Variants in ANO2 observed in about 807,000 individuals in gnomAD.
ANO2 encodes the protein anoctamin-2.
Under a neutral mutation model 124.2 loss-of-function variants are expected in ANO2, and 101 were observed. That is an observed-to-expected ratio of 0.81 (90% confidence interval 0.69 to 0.96). The LOEUF is 0.96. ANO2 is among the 40% of genes least tolerant of loss of function. ANO2 has a pLI of 0.00. For synonymous variants in ANO2, 486 were observed against 482.5 expected, an observed-to-expected ratio of 1.01 and a Z score of -0.09; for missense variants, 1,293 against 1,274.5, an observed-to-expected ratio of 1.01 and a Z score of -0.22.
At chr12:5,585,860 G>C (rs1000278736) in intron 20 of ANO2, among the ~76,000 whole-genome samples, 1 of 152,108 alleles carries the variant, frequency 6.6e-6, no homozygotes, top group African/African-American at 2.4e-5. Context: ...CTTCCCAAAA[G>C]GTTTGTGCAA....
rs572321028 is a variant in ANO2, at chr12:5,570,053, G to C, written c.2622-4390C>G. Among the ~76,000 whole-genome samples the C allele has an allele frequency of 2.6e-5, 4 of 152,268 alleles. No individual in the cohort carries two copies. In the South Asian group the frequency reaches 6.2e-4, roughly 24 times the overall value. On this transcript the variant is annotated intron_variant, in intron 23 of 24. Coordinates refer to ENST00000682330, the MANE Select transcript of ANO2 (RefSeq NM_001364791.2). ...GAGCAAAATTATGTTAATTTGAACAGACTCATATAATAAATGAAAGTGATA... is the reference window on the plus strand; with the variant it reads ...GAGCAAAATTATGTTAATTTGAACACACTCATATAATAAATGAAAGTGATA...
At chr12:5,918,944 G>C (rs1285437147) in intron 3 of ANO2, among the ~76,000 whole-genome samples, 2 of 152,200 alleles carry the variant, frequency 1.3e-5, no homozygotes, top group Non-Finnish European at 2.9e-5. Flanking sequence ...TAAGGGACCT[G>C]AGGTTCAGGG....
At chr12:5,751,939 AC>A (rs1386863946) in intron 10 of ANO2, among the ~76,000 whole-genome samples, 1 of 151,992 alleles carries the variant, frequency 6.6e-6, no homozygotes, top group Non-Finnish European at 1.5e-5. Context: ...TATGAGTTTG[AC>A]GGTTTTAGAT....
intron 14 of ANO2, among the ~76,000 whole-genome samples, chr12:5,665,400 G>A (rs949078207): frequency 6.6e-6 from 1 of 152,156 alleles, no homozygotes. Context: ...CTTTGCGTCT[G>A]TGCTTCATCC....
At chr12:5,681,539 C>G (rs1247869391) in intron 14 of ANO2, among the ~76,000 whole-genome samples, 1 of 152,176 alleles carries the variant, frequency 6.6e-6, no homozygotes, top group Non-Finnish European at 1.5e-5. Flanking sequence ...CTGAGAAATC[C>G]TGACCCCATT....
chr12:5,873,806 A>T (rs910658856), intron 3 of ANO2, among the ~76,000 whole-genome samples: 1 of 152,226 alleles, frequency 6.6e-6, no homozygotes, highest in Admixed American at 6.5e-5. Flanking sequence ...GGAAAGCCTC[A>T]GCAGGTGGCC....
intron 19 of ANO2, among the ~76,000 whole-genome samples, chr12:5,611,203 T>C (rs1318703867): frequency 2.0e-5 from 3 of 151,986 alleles, no homozygotes; most frequent in African/African-American, 7.3e-5. Flanking sequence ...ATTCCTGACC[T>C]CGTGATCCGC....
intron 14 of ANO2, among the ~76,000 whole-genome samples, chr12:5,718,949 C>T (rs183359986): frequency 2.0e-5 from 3 of 152,306 alleles, no homozygotes; most frequent in Admixed American, 6.5e-5. Context: ...TGGGAGGTAC[C>T]GCAGCTTCCT....
intron 10 of ANO2, among the ~76,000 whole-genome samples, chr12:5,767,990 G>A (rs568168168): frequency 1.3e-5 from 2 of 152,142 alleles, no homozygotes; most frequent in East Asian, 3.9e-4. Context: ...GTGGACTGTA[G>A]GGGGTGCAGC....
chr12:5,827,656 G>C, intron 7 of ANO2, 113 bp downstream of exon 7: 3 of 1,255,912 alleles, frequency 2.4e-6, no homozygotes, highest in Non-Finnish European at 3.4e-6. Context: ...CCTCTCCGTG[G>C]GGGGCATTTG....
intron 10 of ANO2, among the ~76,000 whole-genome samples, chr12:5,790,859 G>A (rs1467383805): frequency 4.6e-5 from 7 of 152,058 alleles, no homozygotes; most frequent in Admixed American, 3.3e-4. Flanking sequence ...TGACTCTTGC[G>A]CTGTTAACAG....
At chr12:5,854,398 C>CAAAAAAAA (rs56030072) in intron 3 of ANO2, among the ~76,000 whole-genome samples, 7 of 76,078 alleles carry the variant, frequency 9.2e-5, no homozygotes, top group South Asian at 6.3e-4. Context: ...AGCTTCAGAG[C>CAAAAAAAA]AAAAAAAAAA....
chr12:5,710,681 G>A lies in ANO2; in HGVS notation c.1545+21839C>T, dbSNP rs188781023. Among the ~76,000 whole-genome samples, 3 of 152,278 alleles carry A rather than the reference G, an allele frequency of 2.0e-5. No individual in the cohort carries two copies. In the East Asian group the frequency reaches 5.8e-4, roughly 29 times the overall value. ...GGATAAGGAAATAGCACACAGTAGG[G>A]CCACATGAATCATTTGGAGACTGAC... is the stretch of plus-strand genomic sequence containing the variant. On this transcript the variant is annotated intron_variant, in intron 14 of 24. Transcript: ENST00000682330.
At chr12:5,661,305 A>T (rs1947427828) in intron 14 of ANO2, among the ~76,000 whole-genome samples, 1 of 152,192 alleles carries the variant, frequency 6.6e-6, no homozygotes, top group Admixed American at 6.5e-5. Context: ...AGACTGGAGA[A>T]CGGAACCTTA....
intron 3 of ANO2, among the ~76,000 whole-genome samples, chr12:5,854,387 T>A (rs1468399722): frequency 2.8e-5 from 3 of 106,384 alleles, no homozygotes; most frequent in African/African-American, 3.8e-5. Context: ...GGAAGTTTGG[T>A]AGCTTCAGAG....
chr12:5,771,216 C>A (rs1366187544), intron 10 of ANO2, among the ~76,000 whole-genome samples: 1 of 152,132 alleles, frequency 6.6e-6, no homozygotes, highest in Admixed American at 6.5e-5. Flanking sequence ...CTCATCAAAA[C>A]CCCATAAGGT....
At chr12:5,662,264 A>G (rs1174013202) in intron 14 of ANO2, among the ~76,000 whole-genome samples, 3 of 152,230 alleles carry the variant, frequency 2.0e-5, no homozygotes, top group Non-Finnish European at 4.4e-5. Context: ...TTGTGAATTT[A>G]TTGGGTTTTA....
At chr12:5,739,080 C>T in intron 13 of ANO2, 2 of 652,204 alleles carry the variant, frequency 3.1e-6, no homozygotes, top group Non-Finnish European at 5.7e-6. Flanking sequence ...GACATCTGCC[C>T]AAACACCAGG....
At chr12:5,853,329 G>C (rs1196910365) in intron 4 of ANO2, among the ~76,000 whole-genome samples, 1 of 147,158 alleles carries the variant, frequency 6.8e-6, no homozygotes, top group Admixed American at 6.8e-5. Context: ...ATTATGTATA[G>C]ACTATCCTGG....
Sources: gnomAD v4.1 joint callset for allele counts (sites outside exome capture counted in the v4.1 genomes callset) on GRCh38, gnomAD v4.1.1 for gene constraint, MANE v1.5 for transcripts, NCBI Gene and HGNC (gene_info 2026-07-23, HGNC 2026-07-21) for gene names.